MTUS2: variants seen among roughly 807,000 people sequenced by gnomAD.
The protein encoded by MTUS2 is microtubule associated scaffold protein 2, also known as microtubule-associated tumor suppressor candidate 2.
A neutral mutation model predicts 114.1 loss-of-function variants in MTUS2; 40 were observed. The observed-to-expected ratio is 0.35, with a 90% confidence interval of 0.27 to 0.46. The LOEUF is 0.46. Among genes scored for constraint, MTUS2 ranks in the 20% least tolerant of loss-of-function variants. MTUS2 has a pLI of 1.00. For missense variants in MTUS2, 1,679 were observed against 1,705.4 expected (o/e 0.98, Z 0.27); for synonymous variants, 688 against 672.0 (o/e 1.02, Z -0.37).
chr13:29,146,315 T>G (rs915125642), intron 5 of MTUS2, among the ~76,000 whole-genome samples: 1 of 152,222 alleles, frequency 6.6e-6, no homozygotes, highest in Non-Finnish European at 1.5e-5. Context: ...AATACTGATA[T>G]CTATACATGG....
In MTUS2 at chr13:28,882,743, A is replaced by T. The variant is rs548240705; in HGVS notation, c.-243+42893A>T. On this transcript the variant is annotated intron_variant, in intron 2 of 15. Transcript: ENST00000612955. ...CAGGGTGAGATCCTGTCTCTAAAAA[A>T]TTTTTTTTTAAATAGACAATCAAAA... Among the ~76,000 whole-genome samples, 113 of 151,940 alleles carry T rather than the reference A, an allele frequency of 7.4e-4. 3 individuals are homozygous for T. The Middle Eastern group carries it at 0.017, about 23-fold the overall frequency.
intron 5 of MTUS2, among the ~76,000 whole-genome samples, chr13:29,136,119 A>T (rs1891967266): frequency 6.6e-6 from 1 of 152,162 alleles, no homozygotes. Context: ...TTATTTCTTC[A>T]TATGGCTTCA....
rs1885543698 is a variant in MTUS2 at position 29,005,002 on chromosome 13, A to G, written c.-242-19455A>G. 2.0e-5 allele frequency among the ~76,000 whole-genome samples: 3 copies of G among 152,162 alleles called. No homozygotes were observed. The South Asian group carries it at 6.2e-4, about 32-fold the overall frequency. On this transcript the variant is annotated intron_variant, in intron 2 of 15. Transcript: ENST00000612955. Reference sequence around the variant, plus strand: ...AAGGAGGACTTCAGGGCTGCTCTCTAGAGGGACTTCACCAACACCTCGTGC... The same window carrying G: ...AAGGAGGACTTCAGGGCTGCTCTCTGGAGGGACTTCACCAACACCTCGTGC...
At chr13:29,498,901 A>G (rs1394182707) in intron 14 of MTUS2, among the ~76,000 whole-genome samples, 2 of 152,130 alleles carry the variant, frequency 1.3e-5, no homozygotes, top group African/African-American at 4.8e-5. Context: ...GCCTGCGCCT[A>G]ACTCCTACGG....
chr13:28,923,821 G>A (rs1881178976), intron 2 of MTUS2, among the ~76,000 whole-genome samples: 1 of 152,162 alleles, frequency 6.6e-6, no homozygotes, highest in Non-Finnish European at 1.5e-5. Flanking sequence ...GTTACTTATT[G>A]TGGGAGGATC....
intron 5 of MTUS2, among the ~76,000 whole-genome samples, chr13:29,182,905 C>T (rs1894064657): frequency 6.6e-6 from 1 of 152,066 alleles, no homozygotes; most frequent in Non-Finnish European, 1.5e-5. Context: ...GCATGGAGGC[C>T]AGTGCAGCTG....
intron 2 of MTUS2, among the ~76,000 whole-genome samples, chr13:28,951,935 G>C (rs1260085095): frequency 6.6e-6 from 1 of 152,164 alleles, no homozygotes; most frequent in African/African-American, 2.4e-5. Context: ...ACTGGCCAGG[G>C]CAGGGTGGCA....
intron 2 of MTUS2, among the ~76,000 whole-genome samples, chr13:28,954,535 T>A (rs1882967762): frequency 6.6e-6 from 1 of 152,166 alleles, no homozygotes; most frequent in African/African-American, 2.4e-5. Flanking sequence ...TATTCAGGAA[T>A]GTATTCATAG....
chr13:28,848,488 C>T (rs761146776), intron 2 of MTUS2, among the ~76,000 whole-genome samples: 3 of 150,594 alleles, frequency 2.0e-5, no homozygotes, highest in South Asian at 2.1e-4. Flanking sequence ...TTACATTATA[C>T]GATAAATAAT....
chr13:29,463,764 C>T (rs1879687755), intron 9 of MTUS2, among the ~76,000 whole-genome samples: 1 of 152,130 alleles, frequency 6.6e-6, no homozygotes, highest in African/African-American at 2.4e-5. Context: ...TTCGGGGGGC[C>T]GAGGCGGGCA....
intron 5 of MTUS2, among the ~76,000 whole-genome samples, chr13:29,266,523 A>C (rs1023265589): frequency 6.6e-6 from 1 of 152,124 alleles, no homozygotes; most frequent in African/African-American, 2.4e-5. Flanking sequence ...TATCCCCCCC[A>C]CACACCAAAT....
At chr13:29,262,933 C>T (rs1447399501) in intron 5 of MTUS2, among the ~76,000 whole-genome samples, 1 of 152,138 alleles carries the variant, frequency 6.6e-6, no homozygotes, top group African/African-American at 2.4e-5. Context: ...CTGATGGTGT[C>T]AGCTAACATG....
intron 2 of MTUS2, among the ~76,000 whole-genome samples, chr13:29,005,059 A>G (rs1018015046): frequency 2.0e-5 from 3 of 152,180 alleles, no homozygotes; most frequent in Non-Finnish European, 4.4e-5. Context: ...GGCCATGGAG[A>G]TCAGCATGGG....
Position 29,389,580 on chromosome 13 carries a change from T to C in MTUS2, c.3117+30107T>C, listed in dbSNP as rs1483586262. Among the ~76,000 whole-genome samples, 95 of 115,462 alleles carry C rather than the reference T, an allele frequency of 8.2e-4. 18 individuals are homozygous for C. The highest frequency in any genetic ancestry group is 3.1e-3 in the African/African-American group (93 of 30,296). The allele number at this position is 115,462 out of a possible 152,430, so 75.7% of individuals were successfully genotyped here. On this transcript the variant is annotated intron_variant, in intron 8 of 15. Transcript: ENST00000612955. ...GTGTGTATATGTGTACATATGTGTGTATACGTATACATATGTGTGTATACG... is the reference window on the plus strand; with the variant it reads ...GTGTGTATATGTGTACATATGTGTGCATACGTATACATATGTGTGTATACG...
chr13:29,336,859 A>G (rs1275922828), intron 7 of MTUS2, among the ~76,000 whole-genome samples: 1 of 152,204 alleles, frequency 6.6e-6, no homozygotes, highest in Admixed American at 6.5e-5. Context: ...AGGAATCTAG[A>G]GAGGCAGTCT....
intron 5 of MTUS2, among the ~76,000 whole-genome samples, chr13:29,113,111 C>T (rs1333534553): frequency 6.6e-6 from 1 of 152,070 alleles, no homozygotes; most frequent in African/African-American, 2.4e-5. Context: ...ATTTTTTTCC[C>T]CATGCATGAT....
intron 6 of MTUS2, among the ~76,000 whole-genome samples, chr13:29,315,870 G>A (rs1479750508): frequency 1.3e-5 from 2 of 152,222 alleles, no homozygotes; most frequent in African/African-American, 4.8e-5. Flanking sequence ...GAGATGGCAA[G>A]GGGATAGAAG....
chr13:29,031,237 G>T (rs927130303), intron 3 of MTUS2, among the ~76,000 whole-genome samples: 1 of 122,886 alleles, frequency 8.1e-6, no homozygotes, highest in South Asian at 3.0e-4. Flanking sequence ...AGAACTAATA[G>T]GTGTGTGTGT....
At chr13:29,317,432 C>CTCTTTTTTTTTT (rs1900041555) in intron 6 of MTUS2, among the ~76,000 whole-genome samples, 2 of 51,666 alleles carry the variant, frequency 3.9e-5, no homozygotes, top group African/African-American at 1.3e-4. Context: ...CTCTCTCTCT[C>CTCTTTTTTTTTT]TTTTTTTTTT....
Sources: gnomAD v4.1 joint callset for allele counts (sites outside exome capture counted in the v4.1 genomes callset) on GRCh38, gnomAD v4.1.1 for gene constraint, MANE v1.5 for transcripts, NCBI Gene and HGNC (gene_info 2026-07-23, HGNC 2026-07-21) for gene names.